The following LYPLAL1 variants were observed in gnomAD, a reference collection of about 807,000 sequenced individuals.
LYPLAL1 encodes the protein lysophospholipase like 1.
In LYPLAL1, 23 loss-of-function variants were observed where a neutral mutation model predicts 19.7. The observed-to-expected ratio is 1.17, with a 90% CI of 0.84 to 1.65. The LOEUF (loss-of-function observed/expected upper bound fraction) is 1.65. Ranked by LOEUF, LYPLAL1 falls within the 40% of genes most tolerant of loss-of-function variation. The probability of loss-of-function intolerance (pLI) is 0.00; values close to 1 mark genes in which losing one functional copy is unlikely to be tolerated. For missense variants in LYPLAL1, 355 were observed against 279.4 expected (o/e 1.27, Z -1.93); for synonymous variants, 119 against 96.3 (o/e 1.24, Z -1.38).
chr1:219,365,963 A>G, the LYPLAL1 span, among the ~76,000 whole-genome samples: 2 of 152,176 alleles, frequency 1.3e-5, no homozygotes, highest in Non-Finnish European at 2.9e-5. Context: ...ATGATTGACT[A>G]TCTTTTAAAT....
the LYPLAL1 span, among the ~76,000 whole-genome samples, chr1:219,392,356 T>C: frequency 3.9e-5 from 6 of 152,190 alleles, no homozygotes; most frequent in African/African-American, 1.4e-4. Flanking sequence ...GTAGGCAAAA[T>C]CCAGCCTTCC....
the LYPLAL1 span, among the ~76,000 whole-genome samples, chr1:219,361,291 G>A: frequency 6.6e-6 from 1 of 152,206 alleles, no homozygotes; most frequent in African/African-American, 2.4e-5. Flanking sequence ...GTGGGGAATG[G>A]ACTAGTTGAT....
chr1:219,426,038 G>C, the LYPLAL1 span, among the ~76,000 whole-genome samples: 2 of 152,212 alleles, frequency 1.3e-5, no homozygotes, highest in African/African-American at 2.4e-5. Context: ...CCACACGGTA[G>C]AGACTTCACA....
the LYPLAL1 span, among the ~76,000 whole-genome samples, chr1:219,421,678 T>C: frequency 6.6e-6 from 1 of 151,906 alleles, no homozygotes; most frequent in Non-Finnish European, 1.5e-5. Context: ...ATATAAGTAG[T>C]GCCATGAGAT....
At chr1:219,371,654 G>A in the LYPLAL1 span, among the ~76,000 whole-genome samples, 1 of 151,982 alleles carries the variant, frequency 6.6e-6, no homozygotes, top group African/African-American at 2.4e-5. Context: ...TTTGAGTTTT[G>A]GCCAATCAAA....
At chr1:219,265,724 G>A in the LYPLAL1 span, among the ~76,000 whole-genome samples, 2 of 152,040 alleles carry the variant, frequency 1.3e-5, no homozygotes, top group Non-Finnish European at 2.9e-5. Context: ...AAACCTAGGT[G>A]GTACAGCCTG....
chr1:219,327,236 G>A, the LYPLAL1 span, among the ~76,000 whole-genome samples: 1 of 152,180 alleles, frequency 6.6e-6, no homozygotes, highest in African/African-American at 2.4e-5. Context: ...GGGCTGGGTG[G>A]AATGGGGTTA....
At chr1:219,268,741 G>A in the LYPLAL1 span, among the ~76,000 whole-genome samples, 1 of 152,204 alleles carries the variant, frequency 6.6e-6, no homozygotes, top group Non-Finnish European at 1.5e-5. Flanking sequence ...GGAAACTCTT[G>A]TCAATTTCAC....
At chr1:219,307,007 GATATATATACACATACATAT>G in the LYPLAL1 span, among the ~76,000 whole-genome samples, 1 of 143,508 alleles carries the variant, frequency 7.0e-6, no homozygotes, top group Non-Finnish European at 1.5e-5. Flanking sequence ...TATTCCAAAT[GATATATATACACATACATAT>G]ATATATATAT....
chr1:219,214,630 T>C (rs951379419), downstream of LYPLAL1, among the ~76,000 whole-genome samples: 3 of 151,918 alleles, frequency 2.0e-5, no homozygotes, highest in African/African-American at 4.8e-5. Flanking sequence ...CTTATAGATA[T>C]AAGTTGCATG....
At chr1:219,181,490 C>T (rs1656279901) in intron 2 of LYPLAL1, among the ~76,000 whole-genome samples, 2 of 152,180 alleles carry the variant, frequency 1.3e-5, no homozygotes, top group Non-Finnish European at 2.9e-5. Context: ...ATTTCCAACA[C>T]ATTACTTTAA....
Position 219,199,344 on chromosome 1 carries a change from G to C in LYPLAL1, c.361+6093G>C, listed in dbSNP as rs139618742. ...TTCAATCAATTTTAATATTATTTAA[G>C]TGTATGGTAAAAAATTTTATAACAC... is the stretch of plus-strand genomic sequence containing the variant. On this transcript the variant is annotated intron_variant, in intron 3 of 4. Coordinates refer to ENST00000366928, the MANE Select transcript of LYPLAL1 (RefSeq NM_138794.5). Among the ~76,000 whole-genome samples the C allele has an allele frequency of 2.0e-5, 3 of 152,126 alleles. No individual in the cohort carries two copies. In the East Asian group the frequency reaches 5.8e-4, roughly 29 times the overall value.
At chr1:219,378,535 A>C in the LYPLAL1 span, among the ~76,000 whole-genome samples, 2 of 152,116 alleles carry the variant, frequency 1.3e-5, no homozygotes, top group African/African-American at 4.8e-5. Flanking sequence ...AAGGAAATTA[A>C]AAATTGTTAT....
chr1:219,272,868 A>G, the LYPLAL1 span: 1 of 152,106 alleles, frequency 6.6e-6, no homozygotes, highest in Non-Finnish European at 1.5e-5. Context: ...GAATTGCTGT[A>G]TTATCAAAAA....
chr1:219,285,025 G>A, the LYPLAL1 span, among the ~76,000 whole-genome samples: 1 of 152,198 alleles, frequency 6.6e-6, no homozygotes, highest in African/African-American at 2.4e-5. Context: ...TTATACAGTG[G>A]TAGTGTCTAC....
At chr1:219,284,866 T>C in the LYPLAL1 span, among the ~76,000 whole-genome samples, 1 of 152,166 alleles carries the variant, frequency 6.6e-6, no homozygotes, top group Non-Finnish European at 1.5e-5. Flanking sequence ...GGTGAGACAA[T>C]GACAACAGAA....
the LYPLAL1 span, among the ~76,000 whole-genome samples, chr1:219,231,359 G>C: frequency 1.3e-5 from 2 of 152,158 alleles, no homozygotes; most frequent in Non-Finnish European, 2.9e-5. Context: ...AGAACATGAA[G>C]ATGTCAAAGC....
At chr1:219,298,704 G>A in the LYPLAL1 span, among the ~76,000 whole-genome samples, 2 of 152,234 alleles carry the variant, frequency 1.3e-5, no homozygotes, top group Non-Finnish European at 2.9e-5. Context: ...ATTTTTAAAA[G>A]GAGGTTTAAA....
the LYPLAL1 span, among the ~76,000 whole-genome samples, chr1:219,296,824 G>T: frequency 2.0e-5 from 3 of 152,274 alleles, no homozygotes; most frequent in Admixed American, 2.0e-4. Flanking sequence ...GTTAGGGACT[G>T]TTCCTACAGA....
Sources: gnomAD v4.1 joint callset for allele counts (sites outside exome capture counted in the v4.1 genomes callset) on GRCh38, gnomAD v4.1.1 for gene constraint, MANE v1.5 for transcripts, NCBI Gene and HGNC (gene_info 2026-07-23, HGNC 2026-07-21) for gene names.